Variants in CSMD1 observed in about 807,000 individuals in gnomAD.
The protein encoded by CSMD1 is CUB and Sushi multiple domains 1.
A neutral mutation model predicts 417.5 loss-of-function variants in CSMD1; 213 were observed. The ratio of observed to expected loss-of-function variants is 0.51; its 90% CI spans 0.46 to 0.57. CSMD1 has a LOEUF of 0.57. Ranked by LOEUF, CSMD1 falls within the 20% of genes least tolerant of loss-of-function variation. The pLI is 0.00. For synonymous variants in CSMD1, 2,862 were observed against 1,736.8 expected, an observed-to-expected ratio of 1.65 and a Z score of -16.11; for missense variants, 6,923 against 4,529.7, an observed-to-expected ratio of 1.53 and a Z score of -15.17.
intron 3 of CSMD1, among the ~76,000 whole-genome samples, chr8:4,209,754 G>C (rs141358793): frequency 6.6e-6 from 1 of 152,108 alleles, no homozygotes; most frequent in African/African-American, 2.4e-5. Flanking sequence ...AGCACAGCAG[G>C]ACTACACCAT....
chr8:3,018,975 T>C (rs1263072734), intron 51 of CSMD1, among the ~76,000 whole-genome samples: 1 of 152,178 alleles, frequency 6.6e-6, no homozygotes, highest in Non-Finnish European at 1.5e-5. Flanking sequence ...TGGAGTGCAG[T>C]GGCGCTATCC....
intron 7 of CSMD1, among the ~76,000 whole-genome samples, chr8:3,706,329 G>A (rs915163409): frequency 2.0e-5 from 3 of 152,216 alleles, no homozygotes; most frequent in African/African-American, 7.2e-5. Flanking sequence ...TTGAATGCTT[G>A]CCTGTCGCTT....
chr8:4,898,232 G>A (rs896484782), intron 1 of CSMD1, among the ~76,000 whole-genome samples: 41 of 152,140 alleles, frequency 2.7e-4, no homozygotes, highest in Non-Finnish European at 5.3e-4. Flanking sequence ...CATGAACGGA[G>A]AGCATCGGGG....
chr8:4,171,194 A>T (rs1272088188), intron 3 of CSMD1, among the ~76,000 whole-genome samples: 4 of 151,688 alleles, frequency 2.6e-5, no homozygotes, highest in African/African-American at 9.7e-5. Context: ...CATCACCATC[A>T]CAGACCTGTG....
chr8:4,867,762 A>G (rs1802502618), intron 1 of CSMD1, among the ~76,000 whole-genome samples: 1 of 152,248 alleles, frequency 6.6e-6, no homozygotes, highest in East Asian at 1.9e-4. Flanking sequence ...GGTTTTTAGT[A>G]GCTTAAAGAT....
chr8:4,768,853 G>A (rs994625847), intron 1 of CSMD1, among the ~76,000 whole-genome samples: 18 of 152,114 alleles, frequency 1.2e-4, no homozygotes, highest in South Asian at 2.1e-4. Context: ...AAGGGGAGGT[G>A]GCTGAGACAT....
At chr8:4,002,219 G>A (rs918346052) in intron 4 of CSMD1, among the ~76,000 whole-genome samples, 5 of 142,738 alleles carry the variant, frequency 3.5e-5, no homozygotes, top group African/African-American at 1.2e-4. Context: ...GTGTGTGTGA[G>A]TGTGTGTGCA....
At chr8:4,333,980 G>A (rs1479344732) in intron 3 of CSMD1, among the ~76,000 whole-genome samples, 2 of 151,978 alleles carry the variant, frequency 1.3e-5, no homozygotes, top group Admixed American at 6.6e-5. Flanking sequence ...CAGTCTTAAT[G>A]TTCTGCCTCA....
chr8:3,619,784 G>A (rs1802330053), intron 7 of CSMD1, among the ~76,000 whole-genome samples: 1 of 152,094 alleles, frequency 6.6e-6, no homozygotes, highest in Non-Finnish European at 1.5e-5. Context: ...AGGTTAGAAA[G>A]CAATGGATAG....
At chr8:4,289,502 G>A (rs964871912) in intron 3 of CSMD1, among the ~76,000 whole-genome samples, 12 of 152,102 alleles carry the variant, frequency 7.9e-5, no homozygotes, top group African/African-American at 2.7e-4. Flanking sequence ...ACTGAGTTCT[G>A]TCCACTGTCA....
At chr8:4,496,996 T>C (rs1402972917) in intron 2 of CSMD1, among the ~76,000 whole-genome samples, 1 of 152,120 alleles carries the variant, frequency 6.6e-6, no homozygotes, top group Admixed American at 6.6e-5. Flanking sequence ...CAATAAGGCT[T>C]GAAAAGAAAC....
At chr8:3,812,052 A>G (rs1801120888) in intron 5 of CSMD1, among the ~76,000 whole-genome samples, 1 of 152,218 alleles carries the variant, frequency 6.6e-6, no homozygotes, top group African/African-American at 2.4e-5. Flanking sequence ...AATTCCATAA[A>G]GCATTTCACG....
chr8:3,834,874 A>C (rs1279965144), intron 5 of CSMD1, among the ~76,000 whole-genome samples: 1 of 152,126 alleles, frequency 6.6e-6, no homozygotes, highest in Admixed American at 6.5e-5. Flanking sequence ...TTTACAAGAA[A>C]AAAACAAACA....
intron 1 of CSMD1, among the ~76,000 whole-genome samples, chr8:4,700,824 A>G (rs1363429684): frequency 6.6e-6 from 1 of 152,220 alleles, no homozygotes; most frequent in Non-Finnish European, 1.5e-5. Flanking sequence ...GAGCATGAAA[A>G]AAAGGTAACA....
At chr8:4,038,739 C>A (rs1797741333) in intron 3 of CSMD1, among the ~76,000 whole-genome samples, 2 of 152,178 alleles carry the variant, frequency 1.3e-5, no homozygotes, top group Non-Finnish European at 1.5e-5. Context: ...GAATTCTGCG[C>A]CCAATGCAGA....
At chr8:4,662,541 C>G (rs1362417664) in intron 1 of CSMD1, among the ~76,000 whole-genome samples, 1 of 152,170 alleles carries the variant, frequency 6.6e-6, no homozygotes, top group Non-Finnish European at 1.5e-5. Flanking sequence ...CACTTTCGCT[C>G]GTCTCCCTGG....
intron 1 of CSMD1, among the ~76,000 whole-genome samples, chr8:4,971,255 T>G (rs2117382372): frequency 6.6e-6 from 1 of 152,208 alleles, no homozygotes; most frequent in South Asian, 2.1e-4. Flanking sequence ...TAAAAATTAT[T>G]TTATATAAGC....
chr8:3,540,025 G>T (rs901433050), intron 10 of CSMD1, among the ~76,000 whole-genome samples: 1 of 152,156 alleles, frequency 6.6e-6, no homozygotes, highest in Non-Finnish European at 1.5e-5. Flanking sequence ...GGCTGCTTCT[G>T]TTGTGTCTGC....
At chr8:4,624,250 G>T (rs1456506032) in intron 2 of CSMD1, among the ~76,000 whole-genome samples, 1 of 152,108 alleles carries the variant, frequency 6.6e-6, no homozygotes, top group Non-Finnish European at 1.5e-5. Context: ...ACTTCCGGTA[G>T]ATCAAACCAT....
Sources: gnomAD v4.1 joint callset for allele counts (sites outside exome capture counted in the v4.1 genomes callset) on GRCh38, gnomAD v4.1.1 for gene constraint, MANE v1.5 for transcripts, NCBI Gene and HGNC (gene_info 2026-07-23, HGNC 2026-07-21) for gene names.